The following LRRC56 variants were observed in gnomAD, a reference collection of about 807,000 sequenced individuals.
The protein encoded by LRRC56 is leucine rich repeat containing 56.
In LRRC56, 41 loss-of-function variants were observed where a neutral mutation model predicts 47.8. That is an observed-to-expected ratio of 0.86 (90% confidence interval 0.67 to 1.11). LRRC56 has a LOEUF of 1.11. Ranked by LOEUF, LRRC56 falls within the 50% of genes most tolerant of loss-of-function variation. The probability of loss-of-function intolerance (pLI) is 0.00; values close to 1 mark genes in which losing one functional copy is unlikely to be tolerated. For synonymous variants in LRRC56, 387 were observed against 311.2 expected, an observed-to-expected ratio of 1.24 and a Z score of -2.56; for missense variants, 759 against 704.2, an observed-to-expected ratio of 1.08 and a Z score of -0.88.
At chr11:516,841 A>T in the LRRC56 span, among the ~76,000 whole-genome samples, 2 of 152,032 alleles carry the variant, frequency 1.3e-5, no homozygotes, top group African/African-American at 4.8e-5. Context: ...CTTTTTAATT[A>T]TTTTTTTCTC....
At chr11:507,801 C>G in the LRRC56 span, among the ~76,000 whole-genome samples, 73 of 152,354 alleles carry the variant, frequency 4.8e-4, no homozygotes, top group Middle Eastern at 6.8e-3. Context: ...CCGTGAACCA[C>G]GCTGCCCGTC....
chr11:531,381 G>C, the LRRC56 span, among the ~76,000 whole-genome samples: 11 of 152,182 alleles, frequency 7.2e-5, no homozygotes, highest in African/African-American at 1.7e-4. Flanking sequence ...GGGGCACCAG[G>C]GGCGCTGTGG....
rs1851762327 is a variant in LRRC56, at chr11:540,865, AGTGT to A, written c.177+6_177+9del. The A allele has an allele frequency of 6.5e-7, 1 of 1,546,754 alleles. No homozygotes were observed. The highest frequency in any genetic ancestry group is 8.7e-7 in the Non-Finnish European group (1 of 1,144,374). ...GTACCTGTCCCCTGCCCGGCTGGTGAGTGTGGGCGCTGGGGGCTGTGGCCACAGA... is the reference window on the plus strand; with the variant it reads ...GTACCTGTCCCCTGCCCGGCTGGTGAGGGCGCTGGGGGCTGTGGCCACAGA... On this transcript the variant is annotated splice_donor_5th_base_variant and intron_variant, in intron 4 of 13. Coordinates refer to ENST00000270115, the MANE Select transcript of LRRC56 (RefSeq NM_198075.4).
chr11:534,322 T>C (rs2133995278), upstream of LRRC56: 1 of 1,611,560 alleles, frequency 6.2e-7, no homozygotes, highest in Non-Finnish European at 8.5e-7. Flanking sequence ...TATTCCGTCA[T>C]CGCTCCTCAG....
rs1331420078 is a variant in LRRC56, at chr11:550,273, G to A, written c.624+1G>A. 3.8e-6 allele frequency: 6 copies of A among 1,572,418 alleles called. No homozygotes were observed. The highest frequency in any genetic ancestry group is 4.6e-5 in the East Asian group (2 of 43,684). On this transcript the variant is annotated splice_donor_variant, in intron 8 of 13. Transcript: ENST00000270115. LOFTEE classifies it high-confidence loss of function. ...GCCGGCCCCTGGCCCCACCAACAAGGTGCGTGTCCCGGGCACCCGGCCAGC... is the reference window on the plus strand; with the variant it reads ...GCCGGCCCCTGGCCCCACCAACAAGATGCGTGTCCCGGGCACCCGGCCAGC...
intron 4 of LRRC56, 100 bp downstream of exon 4, chr11:540,961 C>A: frequency 9.7e-7 from 1 of 1,031,158 alleles, no homozygotes; most frequent in South Asian, 1.7e-5. Flanking sequence ...CTGTCCCCCT[C>A]CTGCTGGTCT....
the LRRC56 span, among the ~76,000 whole-genome samples, chr11:526,406 G>A: frequency 5.3e-5 from 8 of 152,022 alleles, no homozygotes; most frequent in African/African-American, 1.7e-4. Context: ...GATGCATCCC[G>A]GCTGAGAAGG....
rs113488416 is a variant in LRRC56 at position 554,601 on chromosome 11, A to G, written c.*325A>G. ...AGGCCTGTGAGAGGCCTCTCCTGCT[A>G]GAATTGGGCATGGCCGAGGGGCAGG... is the stretch of plus-strand genomic sequence containing the variant. On this transcript the variant is annotated 3_prime_UTR_variant, in exon 14 of 14. Transcript: ENST00000270115. The G allele has an allele frequency of 5.0e-6, 2 of 402,702 alleles. No individual in the cohort carries two copies. Among genetic ancestry groups the G allele is most frequent in the East Asian group, 8.0e-5 (2 of 24,852 alleles). 24.9% of individuals were successfully genotyped at this position (402,702 alleles called of 1,614,324 possible).
the LRRC56 span, among the ~76,000 whole-genome samples, chr11:530,774 G>C: frequency 1.0e-4 from 5 of 47,622 alleles, no homozygotes; most frequent in Non-Finnish European, 1.9e-4. Flanking sequence ...GTCCCCTGGA[G>C]AGAAGGGCGA....
the LRRC56 span, among the ~76,000 whole-genome samples, chr11:523,009 G>C: frequency 4.0e-5 from 6 of 151,830 alleles, no homozygotes; most frequent in African/African-American, 1.5e-4. Flanking sequence ...TATTACTGTT[G>C]TAAAACAACA....
the LRRC56 span, among the ~76,000 whole-genome samples, chr11:509,086 T>TCACACA: frequency 2.0e-5 from 3 of 150,312 alleles, no homozygotes; most frequent in Admixed American, 1.3e-4. Flanking sequence ...AGAAGGTGGT[T>TCACACA]CACACACACA....
In LRRC56 at chr11:551,157, A is replaced by C; in HGVS notation, c.651A>C (p.Ala217=). The C allele has an allele frequency of 2.9e-6, 4 of 1,376,446 alleles. No individual in the cohort carries two copies. Among genetic ancestry groups the C allele is most frequent in the Non-Finnish European group, 3.8e-6 (4 of 1,039,170 alleles). The allele number at this position is 1,376,446 out of a possible 1,614,324, so 85.3% of individuals were successfully genotyped here. A position where few individuals can be genotyped will look rare whatever the true frequency, so the allele number is the denominator to read the frequency against. ...TGCCCAGGGGCTACAACTACAGGGC[A>C]GAGGTGAGGAAGCTCATTCCCCAGC... is the stretch of plus-strand genomic sequence containing the variant. ...NKVPRGYNYR[A]EVRKLIPQLQ... The change falls in exon 9 of 14, where the codon GCA becomes GCC. Residue 217 remains alanine (A), a synonymous_variant. Transcript: ENST00000270115.
the LRRC56 span, among the ~76,000 whole-genome samples, chr11:515,896 A>C: frequency 1.2e-4 from 18 of 152,302 alleles, no homozygotes; most frequent in African/African-American, 4.3e-4. Flanking sequence ...GTATAGATTG[A>C]AGCTTCCATT....
chr11:514,719 T>C, the LRRC56 span, among the ~76,000 whole-genome samples: 4 of 152,172 alleles, frequency 2.6e-5, no homozygotes, highest in Non-Finnish European at 4.4e-5. Flanking sequence ...CATAATGTTA[T>C]TGCACACCTG....
chr11:525,242 A>G, the LRRC56 span, among the ~76,000 whole-genome samples: 1 of 151,580 alleles, frequency 6.6e-6, no homozygotes, highest in African/African-American at 2.4e-5. Flanking sequence ...TGTCTCTACT[A>G]AAAATACAAA....
Position 553,982 on chromosome 11 carries a change from C to T in LRRC56, c.1335C>T (p.Ser445=). The part of the protein sequence containing the change: ...SLASEPSGTS[S]QHLVPSPPKH... ...TTCTAGAGCCCTCCGGGACCTCGAG[C>T]CAGCACCTGGTCCCTTCACCTCCCA... Residue 445 remains serine (S), a synonymous_variant, in exon 14 of 14, where the codon AGC becomes AGT. Transcript: ENST00000270115. 1.9e-6 allele frequency: 3 copies of T among 1,612,134 alleles called. No individual in the cohort carries two copies. The highest frequency in any genetic ancestry group is 2.5e-6 in the Non-Finnish European group (3 of 1,179,660).
At chr11:518,841 C>G in the LRRC56 span, among the ~76,000 whole-genome samples, 3 of 151,944 alleles carry the variant, frequency 2.0e-5, no homozygotes, top group South Asian at 2.1e-4. Context: ...GGAGCCGCCC[C>G]GAACGCGCGA....
chr11:552,579 T>C lies in LRRC56; in HGVS notation c.1192T>C (p.Tyr398His). Residue 398 changes from tyrosine to histidine, a missense_variant, in exon 13 of 14, where the codon TAT (tyrosine) becomes CAT (histidine). By Grantham distance (83) the Tyr-to-His change is moderately conservative. Coordinates refer to ENST00000270115, the MANE Select transcript of LRRC56 (RefSeq NM_198075.4). ...WREHGVRPLP[Y>H]RHPESQQEGA... ...CTCTCCCCACCCTAGCCCCCTCCCCTATAGGCACCCGGAGTCCCAACAGGA... is the reference window on the plus strand; with the variant it reads ...CTCTCCCCACCCTAGCCCCCTCCCCCATAGGCACCCGGAGTCCCAACAGGA... 3 of 1,569,376 alleles carry C rather than the reference T, an allele frequency of 1.9e-6. No homozygotes were observed. The highest frequency in any genetic ancestry group is 1.7e-5 in the Admixed American group (1 of 58,528).
chr11:507,501 G>A, the LRRC56 span, among the ~76,000 whole-genome samples: 4 of 152,186 alleles, frequency 2.6e-5, no homozygotes, highest in African/African-American at 7.2e-5. Context: ...GGGCGCGTGT[G>A]CGTGTTGTGG....
Sources: gnomAD v4.1 joint callset for allele counts (sites outside exome capture counted in the v4.1 genomes callset) on GRCh38, gnomAD v4.1.1 for gene constraint, MANE v1.5 for transcripts, NCBI Gene and HGNC (gene_info 2026-07-23, HGNC 2026-07-21) for gene names.